The following NTM variants were observed in gnomAD, a reference collection of about 807,000 sequenced individuals.
NTM encodes the protein neurotrimin.
A neutral mutation model predicts 42.1 loss-of-function variants in NTM; 13 were observed. The ratio of observed to expected loss-of-function variants is 0.31; its 90% confidence interval spans 0.20 to 0.49. The LOEUF is 0.49. Ranked by LOEUF, NTM falls within the 20% of genes least tolerant of loss-of-function variation. The pLI, the probability that NTM is intolerant of heterozygous loss-of-function variation, is 0.99. For missense variants in NTM, 373 were observed against 452.8 expected (o/e 0.82, Z 1.60); for synonymous variants, 187 against 179.2 (o/e 1.04, Z -0.35).
At chr11:131,611,082 G>A (rs764858441) in intron 1 of NTM, among the ~76,000 whole-genome samples, 1 of 152,096 alleles carries the variant, frequency 6.6e-6, no homozygotes, top group Non-Finnish European at 1.5e-5. Flanking sequence ...GTGGAGGAGG[G>A]AAGCAGTTCA....
intron 3 of NTM, among the ~76,000 whole-genome samples, chr11:132,175,991 TTTTG>T (rs752531315): frequency 1.9e-4 from 29 of 152,324 alleles, no homozygotes; most frequent in East Asian, 3.9e-4. Flanking sequence ...GAGCTAGATT[TTTTG>T]TTTGTTTGTT....
chr11:131,926,167 G>T (rs1171683115), intron 2 of NTM, among the ~76,000 whole-genome samples: 1 of 152,048 alleles, frequency 6.6e-6, no homozygotes. Context: ...GTAGGAGTAG[G>T]CATTCCTCGC....
chr11:131,742,954 G>A (rs896365666), intron 1 of NTM, among the ~76,000 whole-genome samples: 12 of 152,142 alleles, frequency 7.9e-5, no homozygotes, highest in African/African-American at 2.4e-4. Flanking sequence ...TGACATGAGC[G>A]CCCAATAGAT....
intron 2 of NTM, among the ~76,000 whole-genome samples, chr11:132,099,380 T>C (rs1195975483): frequency 6.6e-6 from 1 of 152,218 alleles, no homozygotes; most frequent in African/African-American, 2.4e-5. Flanking sequence ...TCTTCTGATG[T>C]TCAATATATG....
chr11:131,433,102 C>A (rs1243622573), intron 1 of NTM, among the ~76,000 whole-genome samples: 2 of 151,996 alleles, frequency 1.3e-5, no homozygotes, highest in Non-Finnish European at 2.9e-5. Context: ...CGTGATCCCC[C>A]CGTCTCGGCC....
intron 1 of NTM, among the ~76,000 whole-genome samples, chr11:131,474,196 A>T (rs2136194904): frequency 6.6e-6 from 1 of 152,190 alleles, no homozygotes; most frequent in East Asian, 1.9e-4. Context: ...GCATGCTCTG[A>T]TCTTTCTCTG....
At chr11:132,059,509 C>T (rs1566051871) in intron 2 of NTM, among the ~76,000 whole-genome samples, 1 of 152,196 alleles carries the variant, frequency 6.6e-6, no homozygotes, top group Non-Finnish European at 1.5e-5. Flanking sequence ...GAAACTGACC[C>T]TAAACCCGTC....
At chr11:131,835,097 C>A (rs549977798) in intron 1 of NTM, among the ~76,000 whole-genome samples, 2 of 152,114 alleles carry the variant, frequency 1.3e-5, no homozygotes, top group Admixed American at 6.5e-5. Context: ...ACTCTGGAGA[C>A]TGGATGTATT....
chr11:131,702,487 T>A (rs2135190644), intron 1 of NTM, among the ~76,000 whole-genome samples: 1 of 152,048 alleles, frequency 6.6e-6, no homozygotes, highest in Non-Finnish European at 1.5e-5. Context: ...AACGAGCAGG[T>A]GGTGGTATTG....
chr11:131,784,435 T>C (rs1298559866), intron 1 of NTM, among the ~76,000 whole-genome samples: 1 of 152,118 alleles, frequency 6.6e-6, no homozygotes, highest in Non-Finnish European at 1.5e-5. Flanking sequence ...AAAGAAACTT[T>C]GATACACAAA....
At chr11:132,321,007 A>C (rs1327452539) in intron 7 of NTM, among the ~76,000 whole-genome samples, 14 of 150,802 alleles carry the variant, frequency 9.3e-5, no homozygotes, top group South Asian at 2.1e-4. Context: ...AAGGACATCC[A>C]CACCAAAAAC....
intron 1 of NTM, among the ~76,000 whole-genome samples, chr11:131,756,975 C>T (rs1008616682): frequency 3.9e-5 from 6 of 152,202 alleles, no homozygotes; most frequent in African/African-American, 1.4e-4. Context: ...TTCATAAAAA[C>T]TTGGCTGATG....
chr11:132,146,446 G>A lies in NTM; in HGVS notation c.332G>A (p.Gly111Asp). The A allele has an allele frequency of 1.2e-6, 2 of 1,614,170 alleles. No individual in the cohort carries two copies. Among genetic ancestry groups the A allele is most frequent in the Non-Finnish European group, 1.7e-6 (2 of 1,180,034 alleles). Residue 111 changes from glycine (G) to aspartate (D), a missense_variant, in exon 3 of 9, where the codon GGC becomes GAC. Coordinates refer to ENST00000683400, the MANE Select transcript of NTM (RefSeq NM_001352005.2). The surrounding 1 kb of genome is among the most constrained non-coding windows in gnomAD (Gnocchi z 4.5). ...EIQNVDVYDEGPYTCSVQTDN... is the reference protein window; with the variant it reads ...EIQNVDVYDEDPYTCSVQTDN... Reference sequence around the variant, plus strand: ...CAGAACGTGGATGTGTATGACGAGGGCCCTTACACCTGCTCGGTGCAGACA... The same window carrying A: ...CAGAACGTGGATGTGTATGACGAGGACCCTTACACCTGCTCGGTGCAGACA...
chr11:132,218,274 A>G (rs946398423), intron 4 of NTM, among the ~76,000 whole-genome samples: 1 of 152,198 alleles, frequency 6.6e-6, no homozygotes, highest in Non-Finnish European at 1.5e-5. Context: ...AAGGACTGAG[A>G]AGAAAAAGGG....
intron 1 of NTM, among the ~76,000 whole-genome samples, chr11:131,721,329 C>T (rs902570184): frequency 6.6e-6 from 1 of 152,118 alleles, no homozygotes; most frequent in Non-Finnish European, 1.5e-5. Flanking sequence ...GGATAAATTC[C>T]TGGTTCCTCT....
intron 2 of NTM, among the ~76,000 whole-genome samples, chr11:131,965,969 A>C (rs2062785639): frequency 7.5e-6 from 1 of 132,844 alleles, no homozygotes; most frequent in Non-Finnish European, 1.6e-5. Flanking sequence ...GAGGGAGGGA[A>C]GGGGGAAGGA....
chr11:131,376,775 G>A (rs566777216), intron 1 of NTM, among the ~76,000 whole-genome samples: 3 of 151,282 alleles, frequency 2.0e-5, no homozygotes, highest in East Asian at 3.9e-4. Flanking sequence ...AAATTCACTC[G>A]CTAGTGGTGC....
At chr11:132,235,832 C>G (rs2088722358) in intron 4 of NTM, among the ~76,000 whole-genome samples, 1 of 152,182 alleles carries the variant, frequency 6.6e-6, no homozygotes, top group Admixed American at 6.5e-5. Context: ...TCTATTTGAA[C>G]AATGTGGTGT....
chr11:131,693,111 G>A (rs2135056176), intron 1 of NTM, among the ~76,000 whole-genome samples: 1 of 152,294 alleles, frequency 6.6e-6, no homozygotes, highest in Non-Finnish European at 1.5e-5. Flanking sequence ...TGGCCTTGCA[G>A]GGAATCACTG....
Sources: gnomAD v4.1 joint callset for allele counts (sites outside exome capture counted in the v4.1 genomes callset) on GRCh38, gnomAD v4.1.1 for gene constraint, Gnocchi (gnomAD v3.1) non-coding constraint, MANE v1.5 for transcripts, NCBI Gene and HGNC (gene_info 2026-07-23, HGNC 2026-07-21) for gene names.